Variants in TOPAZ1 observed in about 807,000 individuals in gnomAD.
TOPAZ1 encodes protein TOPAZ1.
A neutral mutation model predicts 172.2 loss-of-function variants in TOPAZ1; 66 were observed. The observed-to-expected ratio is 0.38, with a 90% CI of 0.31 to 0.47. TOPAZ1 has a LOEUF of 0.47. Ranked by LOEUF, TOPAZ1 falls within the 20% of genes least tolerant of loss-of-function variation. The pLI is 0.99. For missense variants in TOPAZ1, 1,822 were observed against 1,972.4 expected, an observed-to-expected ratio of 0.92 and a Z score of 1.44; for synonymous variants, 681 against 683.9, an observed-to-expected ratio of 1.00 and a Z score of 0.07.
At chr3:44,267,893 A>G (rs1343354083) in intron 6 of TOPAZ1, among the ~76,000 whole-genome samples, 1 of 152,218 alleles carries the variant, frequency 6.6e-6, no homozygotes, top group African/African-American at 2.4e-5. Flanking sequence ...CAGCAAGCCC[A>G]TGATGGTCAT....
chr3:44,282,025 C>A lies in TOPAZ1; in HGVS notation c.3430C>A (p.Arg1144Ser). 6.5e-7 allele frequency: 1 copy of A among 1,534,382 alleles called. No homozygotes were observed. The highest frequency in any genetic ancestry group is 8.8e-7 in the Non-Finnish European group (1 of 1,133,856). Residue 1144 changes from arginine to serine, a missense_variant, in exon 9 of 20, where the codon CGT (arginine) becomes AGT (serine). Physicochemically the swap from Arg to Ser is moderately radical, Grantham distance 110. This residue lies in a region of TOPAZ1 where 1,489 missense variants were observed against 1,490.8 expected (regional missense o/e 1.00). Transcript: ENST00000309765. ...TATCAATGAACTGTGTTTGCTACAG[C>A]GTGCAGGTATGAAACAATTAAATAA... is the stretch of plus-strand genomic sequence containing the variant. ...ININELCLLQ[R>S]AVNIFMEYYR... is the part of the protein sequence containing the mutation.
intron 15 of TOPAZ1, among the ~76,000 whole-genome samples, chr3:44,306,808 C>A (rs1700341244): frequency 6.6e-6 from 1 of 151,998 alleles, no homozygotes. Context: ...AAAATCAGAC[C>A]TTGGTGATGA....
At chr3:44,250,006 A>G (rs1053718658) in intron 2 of TOPAZ1, among the ~76,000 whole-genome samples, 3 of 152,194 alleles carry the variant, frequency 2.0e-5, no homozygotes, top group Non-Finnish European at 4.4e-5. Flanking sequence ...GGAGCCAGTA[A>G]ATAATAACTT....
At chr3:44,300,458 A>T (rs1700259271) in intron 12 of TOPAZ1, among the ~76,000 whole-genome samples, 1 of 152,160 alleles carries the variant, frequency 6.6e-6, no homozygotes. Context: ...TGGGCTAAAG[A>T]CATAAACATG....
At chr3:44,290,387 A>C (rs974168291) in intron 11 of TOPAZ1, among the ~76,000 whole-genome samples, 4 of 152,170 alleles carry the variant, frequency 2.6e-5, no homozygotes, top group African/African-American at 2.4e-5. Context: ...TTATCAAGGA[A>C]TCACTGATTC....
intron 9 of TOPAZ1, among the ~76,000 whole-genome samples, chr3:44,285,225 G>A (rs1700064907): frequency 6.6e-6 from 1 of 152,172 alleles, no homozygotes; most frequent in Admixed American, 6.5e-5. Flanking sequence ...CACTCTGGGA[G>A]CCTGAGGTGG....
downstream of TOPAZ1, among the ~76,000 whole-genome samples, chr3:44,333,279 A>C (rs2029342): frequency 6.6e-6 from 1 of 152,052 alleles, no homozygotes; most frequent in East Asian, 1.9e-4. Context: ...ATACTATCAC[A>C]AATGGGATAT....
At chr3:44,303,267 C>T (rs1359996327) in intron 12 of TOPAZ1, among the ~76,000 whole-genome samples, 1 of 152,076 alleles carries the variant, frequency 6.6e-6, no homozygotes, top group Non-Finnish European at 1.5e-5. Context: ...AATTGGTGAA[C>T]TCATAGTTAG....
intron 16 of TOPAZ1, among the ~76,000 whole-genome samples, chr3:44,311,276 A>G (rs1317325849): frequency 6.6e-6 from 1 of 152,236 alleles, no homozygotes; most frequent in Non-Finnish European, 1.5e-5. Flanking sequence ...CAACTTAAAC[A>G]TAGTCAGTGA....
At position 44,305,155 on chromosome 3, in the gene TOPAZ1, A is replaced by T. The variant is rs1177685035; in HGVS notation, c.3873A>T (p.Lys1291Asn). ...TTTAATAATTTTGATAGCATTGTAA[A>T]GAAAAAGGTGACTGGACCAAATTGG... The part of the protein sequence containing the change: ...DSALNKLEHC[K>N]EKGDWTKLGK... The change falls in exon 14 of 20, where the codon AAA becomes AAT. Residue 1291 changes from lysine to asparagine, a missense_variant. By Grantham distance (94) the Lys-to-Asn change is moderately conservative. Coordinates refer to ENST00000309765, the MANE Select transcript of TOPAZ1 (RefSeq NM_001145030.2). The T allele has an allele frequency of 6.6e-7, 1 of 1,509,026 alleles. No individual in the cohort carries two copies. Among genetic ancestry groups the T allele is most frequent in the African/African-American group, 1.4e-5 (1 of 70,176 alleles). The allele number at this position is 1,509,026 out of a possible 1,614,324, so 93.5% of individuals were successfully genotyped here.
At chr3:44,303,817 ATTG>A (rs1700303928) in intron 12 of TOPAZ1, among the ~76,000 whole-genome samples, 195 bp from the exon 13 acceptor site, 1 of 151,752 alleles carries the variant, frequency 6.6e-6, no homozygotes, top group Non-Finnish European at 1.5e-5. Flanking sequence ...TTTCCTTCTT[ATTG>A]TTTTGGGGAG....
chr3:44,254,607 A>G (rs1282285491), intron 2 of TOPAZ1, among the ~76,000 whole-genome samples: 1 of 142,886 alleles, frequency 7.0e-6, no homozygotes, highest in Non-Finnish European at 1.5e-5. Context: ...AGCCTGGGCA[A>G]CAAGAGCGAA....
At position 44,306,994 on chromosome 3, in the gene TOPAZ1, A is replaced by T. The variant is rs564250490; in HGVS notation, c.4140+568A>T. 2.6e-5 allele frequency among the ~76,000 whole-genome samples: 4 copies of T among 152,222 alleles called. No individual in the cohort carries two copies. In the East Asian group the frequency reaches 7.7e-4, roughly 29 times the overall value. ...TTATATTGTAATTTTAGAAGAGTCCAAGACACATTTCTTTGTTTGTGGGGT... is the reference window on the plus strand; with the variant it reads ...TTATATTGTAATTTTAGAAGAGTCCTAGACACATTTCTTTGTTTGTGGGGT... On this transcript the variant is annotated intron_variant, in intron 15 of 19. Transcript: ENST00000309765.
At chr3:44,290,153 A>G (rs1575722904) in intron 11 of TOPAZ1, among the ~76,000 whole-genome samples, 2 of 152,164 alleles carry the variant, frequency 1.3e-5, no homozygotes. Flanking sequence ...TTCCAGGATA[A>G]TGTCATGTAG....
At chr3:44,286,694 T>C (rs1444027941) in intron 9 of TOPAZ1, among the ~76,000 whole-genome samples, 1 of 152,102 alleles carries the variant, frequency 6.6e-6, no homozygotes, top group African/African-American at 2.4e-5. Context: ...GCAGTTAAGG[T>C]ATACAGATTT....
In TOPAZ1 at chr3:44,328,237, T is replaced by C. The variant is rs1700624887; in HGVS notation, c.4676-13T>C. Reference sequence around the variant, plus strand: ...GGTTTTAGTAAAGTTTGACCTATTATTTGATTTTTCAGGTGCTCTTTCCTT... The same window carrying C: ...GGTTTTAGTAAAGTTTGACCTATTACTTGATTTTTCAGGTGCTCTTTCCTT... On this transcript the variant is annotated splice_polypyrimidine_tract_variant and intron_variant, in intron 18 of 19. Transcript: ENST00000309765. The C allele has an allele frequency of 6.8e-7, 1 of 1,465,822 alleles. No homozygotes were observed. The highest frequency in any genetic ancestry group is 1.4e-5 in the South Asian group (1 of 71,522). 90.8% of individuals were successfully genotyped at this position (1,465,822 alleles called of 1,614,324 possible).
intron 3 of TOPAZ1, among the ~76,000 whole-genome samples, chr3:44,255,366 T>C (rs1178738473): frequency 1.7e-5 from 2 of 118,026 alleles, no homozygotes; most frequent in Non-Finnish European, 3.8e-5. Flanking sequence ...AAAAATTTTA[T>C]AGTTGGCTAG....
At chr3:44,246,481 A>G (rs1239096725) in intron 2 of TOPAZ1, among the ~76,000 whole-genome samples, 2 of 152,184 alleles carry the variant, frequency 1.3e-5, no homozygotes, top group African/African-American at 4.8e-5. Context: ...TCTTATTGTT[A>G]TAAGAACTTG....
intron 8 of TOPAZ1, among the ~76,000 whole-genome samples, chr3:44,272,043 C>T (rs1207980606): frequency 6.6e-6 from 1 of 152,094 alleles, no homozygotes; most frequent in Non-Finnish European, 1.5e-5. Context: ...TTAGCATGTT[C>T]TCCAGTCTAT....
Sources: gnomAD v4.1 joint callset for allele counts (sites outside exome capture counted in the v4.1 genomes callset) on GRCh38, gnomAD v4.1.1 for gene constraint, gnomAD v4.1.1 regional missense constraint, MANE v1.5 for transcripts, NCBI Gene and HGNC (gene_info 2026-07-23, HGNC 2026-07-21) for gene names.